Variants in MANBA observed in about 807,000 individuals in gnomAD.
MANBA encodes mannosidase beta.
Under a neutral mutation model 111.1 loss-of-function variants are expected in MANBA, and 83 were observed. That is an observed-to-expected ratio of 0.75 (90% confidence interval 0.63 to 0.90). MANBA has a LOEUF of 0.90. MANBA is among the 40% of genes least tolerant of loss of function. MANBA has a pLI of 0.00. For missense variants in MANBA, 1,036 were observed against 1,069.0 expected (o/e 0.97, Z 0.43); for synonymous variants, 370 against 378.7 (o/e 0.98, Z 0.27).
intron 1 of MANBA, among the ~76,000 whole-genome samples, chr4:102,756,497 T>G (rs1724023579): frequency 6.6e-6 from 1 of 151,974 alleles, no homozygotes; most frequent in Non-Finnish European, 1.5e-5. Flanking sequence ...GGGGGAGGGA[T>G]AGCATTAGGA....
At chr4:102,662,683 C>G (rs781567660) in intron 11 of MANBA, 13 of 156,724 alleles carry the variant, frequency 8.3e-5, no homozygotes, top group Non-Finnish European at 1.9e-4. Flanking sequence ...GGAGTTGTTC[C>G]TTTGGCCATA....
intron 9 of MANBA, 113 bp downstream of exon 9, chr4:102,671,168 A>G: frequency 1.3e-6 from 1 of 781,152 alleles, no homozygotes; most frequent in South Asian, 1.4e-5. Flanking sequence ...ATAGCCCCAA[A>G]TGGAATATCA....
Position 102,632,236 on chromosome 4 carries a change from T to C in MANBA, c.2461A>G (p.Thr821Ala). ...CAAACAAAGGGAGCGACAGCTGAGGTCTCCAGGTCAAAAACAAATATGTCA... is the reference window on the plus strand; with the variant it reads ...CAAACAAAGGGAGCGACAGCTGAGGCCTCCAGGTCAAAAACAAATATGTCA... Reference protein sequence around the residue: ...QGDIFVFDLETSAVAPFVWLD... With the variant: ...QGDIFVFDLEASAVAPFVWLD... Residue 821 changes from threonine (T) to alanine (A), a missense_variant, in exon 17 of 17, where the codon ACC becomes GCC. By Grantham distance (58) the Thr-to-Ala change is moderately conservative (BLOSUM62 0). Coordinates refer to ENST00000647097, the MANE Select transcript of MANBA (RefSeq NM_005908.4). The C allele has an allele frequency of 6.2e-7, 1 of 1,613,284 alleles. No homozygotes were observed. Among genetic ancestry groups the C allele is most frequent in the Admixed American group, 1.7e-5 (1 of 59,952 alleles).
chr4:102,755,656 A>C (rs1488561104), intron 1 of MANBA, among the ~76,000 whole-genome samples: 1 of 152,240 alleles, frequency 6.6e-6, no homozygotes, highest in African/African-American at 2.4e-5. Flanking sequence ...CTGCACAGCA[A>C]AAGAAACTAC....
chr4:102,673,118 A>C (rs1578889918), intron 8 of MANBA, among the ~76,000 whole-genome samples: 1 of 151,408 alleles, frequency 6.6e-6, no homozygotes, highest in African/African-American at 2.4e-5. Flanking sequence ...TTTCCTCCCC[A>C]CCCTCCCACA....
chr4:102,684,503 T>C (rs1047300516), intron 7 of MANBA, among the ~76,000 whole-genome samples: 3 of 152,202 alleles, frequency 2.0e-5, no homozygotes, highest in Non-Finnish European at 2.9e-5. Flanking sequence ...ATATCAGTAA[T>C]GTTCACAGCA....
At chr4:102,699,527 G>A (rs1445726285) in intron 5 of MANBA, among the ~76,000 whole-genome samples, 14 of 150,328 alleles carry the variant, frequency 9.3e-5, no homozygotes, top group South Asian at 4.2e-4. Context: ...TTTGAGATAC[G>A]TCCCATCAAT....
At chr4:102,692,114 C>A (rs1732504870) in intron 5 of MANBA, among the ~76,000 whole-genome samples, 1 of 152,022 alleles carries the variant, frequency 6.6e-6, no homozygotes, top group South Asian at 2.1e-4. Flanking sequence ...AGAGCATGAC[C>A]AGATCTGCAT....
At chr4:102,705,294 C>T (rs745717367) in intron 5 of MANBA, among the ~76,000 whole-genome samples, 10 of 152,178 alleles carry the variant, frequency 6.6e-5, no homozygotes. Flanking sequence ...ACAAGATATG[C>T]AATGGCATTG....
At chr4:102,652,406 T>A (rs1221268249) in intron 12 of MANBA, among the ~76,000 whole-genome samples, 2 of 152,158 alleles carry the variant, frequency 1.3e-5, no homozygotes, top group Non-Finnish European at 2.9e-5. Context: ...TTTGAATCTA[T>A]CCCATAATCA....
In MANBA at chr4:102,682,405, A is replaced by G. The variant is rs1187062762; in HGVS notation, c.960+7169T>C. ...AATAATGAAAAACAGGCCAATCTAT[A>G]GTCTACACACAATTCACCCACTTAC... On this transcript the variant is annotated intron_variant, in intron 7 of 16. Transcript: ENST00000647097. Among the ~76,000 whole-genome samples, 3 of 152,104 alleles carry G rather than the reference A, an allele frequency of 2.0e-5. No individual in the cohort carries two copies. In the East Asian group the frequency reaches 5.8e-4, roughly 29 times the overall value.
In MANBA at chr4:102,674,061, TA is replaced by T; in HGVS notation, c.969del (p.Phe323LeufsTer7). On this transcript the variant is annotated frameshift_variant, in exon 8 of 17. Coordinates refer to ENST00000647097, the MANE Select transcript of MANBA (RefSeq NM_005908.4). LOFTEE classifies it high-confidence loss of function. Reference sequence around the variant, plus strand: ...GGCTCTTCTATAAGTTCCACTGTCCTAAAATAAACCTGCAATGAACAGAATT... The same window carrying T: ...GGCTCTTCTATAAGTTCCACTGTCCTAAATAAACCTGCAATGAACAGAATT... Reference protein sequence around the residue: ...LNIEKSAKVYFRTVELIEEPI... With the variant: ...LNIEKSAKVYXRTVELIEEPI... 1 of 1,598,094 alleles carries T rather than the reference TA, an allele frequency of 6.3e-7. No individual in the cohort carries two copies. The highest frequency in any genetic ancestry group is 8.6e-7 in the Non-Finnish European group (1 of 1,165,572).
At chr4:102,760,693 G>A in intron 1 of MANBA, 25 bp downstream of exon 1, 2 of 1,511,600 alleles carry the variant, frequency 1.3e-6, no homozygotes, top group Non-Finnish European at 1.8e-6. Context: ...GCGCAGGCTC[G>A]CCGCGGGTCG....
intron 1 of MANBA, 83 bp downstream of exon 1, chr4:102,760,635 G>C: frequency 7.2e-7 from 1 of 1,388,878 alleles, no homozygotes; most frequent in Non-Finnish European, 9.6e-7. Flanking sequence ...CCAGAGCTGG[G>C]GGCTGCCAGG....
chr4:102,642,627 A>G (rs1296203084), intron 13 of MANBA, among the ~76,000 whole-genome samples: 1 of 152,192 alleles, frequency 6.6e-6, no homozygotes, highest in Non-Finnish European at 1.5e-5. Flanking sequence ...AAAGAAAAAA[A>G]TGCCTATTCT....
At position 102,647,850 on chromosome 4, in the gene MANBA, A is replaced by G. The variant is rs112720502; in HGVS notation, c.1869+2687T>C. 8.5e-5 allele frequency among the ~76,000 whole-genome samples: 13 copies of G among 152,220 alleles called. 2 individuals carry two copies. Among genetic ancestry groups the G allele is most frequent in the African/African-American group, 3.1e-4 (13 of 41,560 alleles). Reference sequence around the variant, plus strand: ...ACAGTTTTCTGCTTTAGTTTCTATCATGGGGTTTGTGTTTTCATACAGGAG... The same window carrying G: ...ACAGTTTTCTGCTTTAGTTTCTATCGTGGGGTTTGTGTTTTCATACAGGAG... On this transcript the variant is annotated intron_variant, in intron 13 of 16. Coordinates refer to ENST00000647097, the MANE Select transcript of MANBA (RefSeq NM_005908.4).
intron 9 of MANBA, among the ~76,000 whole-genome samples, chr4:102,669,719 G>A (rs1342725611): frequency 2.6e-5 from 4 of 152,178 alleles, no homozygotes; most frequent in South Asian, 2.1e-4. Context: ...GGTGGCTCAC[G>A]CCTGTAATCC....
intron 15 of MANBA, 138 bp from the exon 16 acceptor site, chr4:102,635,183 C>A: frequency 1.1e-6 from 1 of 873,142 alleles, no homozygotes; most frequent in South Asian, 1.6e-5. Flanking sequence ...TAATCCCAGT[C>A]CTGCAAAATA....
intron 15 of MANBA, among the ~76,000 whole-genome samples, chr4:102,635,300 C>T (rs546394306): frequency 5.3e-5 from 8 of 152,278 alleles, no homozygotes; most frequent in African/African-American, 1.7e-4. Flanking sequence ...AAATAATCCA[C>T]GGAAGGCACA....
Sources: gnomAD v4.1 joint callset for allele counts (sites outside exome capture counted in the v4.1 genomes callset) on GRCh38, gnomAD v4.1.1 for gene constraint, MANE v1.5 for transcripts, NCBI Gene and HGNC (gene_info 2026-07-23, HGNC 2026-07-21) for gene names.